Variants in POSTN observed in about 807,000 individuals in gnomAD.
POSTN encodes periostin.
In POSTN, 71 loss-of-function variants were observed where a neutral mutation model predicts 104.5. That is an observed-to-expected ratio of 0.68 (90% CI 0.56 to 0.83). POSTN has a LOEUF of 0.83. POSTN is among the 40% of genes least tolerant of loss of function. The pLI, the probability that POSTN is intolerant of heterozygous loss-of-function variation, is 0.00. For synonymous variants in POSTN, 355 were observed against 340.7 expected (o/e 1.04, Z -0.46); for missense variants, 949 against 1,006.8 (o/e 0.94, Z 0.78).
At chr13:37,579,769 A>C (rs1034097553) in intron 12 of POSTN, 92 bp downstream of exon 12, 9 of 1,417,254 alleles carry the variant, frequency 6.4e-6, no homozygotes, top group Non-Finnish European at 8.6e-6. Flanking sequence ...GAGAGGGGGC[A>C]TTTTTAAGGC....
intron 3 of POSTN, among the ~76,000 whole-genome samples, chr13:37,590,899 T>C (rs951865932): frequency 1.3e-5 from 2 of 152,192 alleles, no homozygotes; most frequent in African/African-American, 4.8e-5. Flanking sequence ...TATGTAGGCC[T>C]GCTTGTTTTC....
In POSTN at chr13:37,577,702, T is replaced by A. The variant is rs757296611; in HGVS notation, c.2008+51A>T. On this transcript the variant is annotated intron_variant, in intron 16 of 22. Transcript: ENST00000379747. Reference sequence around the variant, plus strand: ...GTAAATACAAAGAAATGTATTGTTTTCTTTTTTCATACCTTGCCACCCAGG... The same window carrying A: ...GTAAATACAAAGAAATGTATTGTTTACTTTTTTCATACCTTGCCACCCAGG... The A allele has an allele frequency of 1.8e-5, 28 of 1,596,120 alleles. 2 individuals are homozygous for A. In the South Asian group the frequency reaches 3.1e-4, roughly 18 times the overall value.
intron 15 of POSTN, among the ~76,000 whole-genome samples, chr13:37,578,090 AAAG>A (rs1208259804): frequency 1.3e-5 from 2 of 152,308 alleles, no homozygotes; most frequent in Non-Finnish European, 2.9e-5. Context: ...CTACATTGAA[AAAG>A]AAGAAAAATA....
At chr13:37,563,400 C>T in intron 22 of POSTN, 30 bp from the exon 23 acceptor site, 1 of 1,445,566 alleles carries the variant, frequency 6.9e-7, no homozygotes, top group Non-Finnish European at 9.4e-7. Context: ...AATGTATAGA[C>T]TGTAAATGTT....
At chr13:37,581,231 C>T (rs1198869548) in intron 10 of POSTN, among the ~76,000 whole-genome samples, 1 of 152,130 alleles carries the variant, frequency 6.6e-6, no homozygotes, top group Non-Finnish European at 1.5e-5. Context: ...ACATTTAATG[C>T]ATACTTAAAA....
At chr13:37,592,072 T>C (rs1418336775) in intron 3 of POSTN, 28 bp downstream of exon 3, 4 of 1,523,948 alleles carry the variant, frequency 2.6e-6, no homozygotes, top group Admixed American at 1.7e-5. Flanking sequence ...TATAATTCCT[T>C]ATTTAATTCA....
chr13:37,586,022 A>G, intron 7 of POSTN, 117 bp downstream of exon 7: 1 of 950,976 alleles, frequency 1.1e-6, no homozygotes. Context: ...ATCTCAGAAT[A>G]AAAATTTTTC....
chr13:37,576,339 G>A lies in POSTN; in HGVS notation c.2008+1414C>T, dbSNP rs1305650730. ...TTCTTAATAACAGCATACCGTCTAAGGAGGAGTAAAAGAAACATCTTACAT... is the reference window on the plus strand; with the variant it reads ...TTCTTAATAACAGCATACCGTCTAAAGAGGAGTAAAAGAAACATCTTACAT... On this transcript the variant is annotated intron_variant, in intron 16 of 22. Coordinates refer to ENST00000379747, the MANE Select transcript of POSTN (RefSeq NM_006475.3). 2.6e-5 allele frequency among the ~76,000 whole-genome samples: 4 copies of A among 152,116 alleles called. No homozygotes were observed. The East Asian group carries it at 7.7e-4, about 29-fold the overall frequency.
intron 6 of POSTN, among the ~76,000 whole-genome samples, chr13:37,586,575 G>T (rs1268792995): frequency 6.6e-6 from 1 of 152,096 alleles, no homozygotes; most frequent in Non-Finnish European, 1.5e-5. Context: ...CCAGTCATGT[G>T]ACTAACCATT....
rs1292134359 is a variant in POSTN, at chr13:37,569,194, T to G, written c.2431+106A>C. The G allele has an allele frequency of 5.5e-6, 4 of 732,114 alleles. No homozygotes were observed. In the East Asian group the frequency reaches 1.1e-4, roughly 19 times the overall value. The allele number at this position is 732,114 out of a possible 1,614,324, so 45.4% of individuals were successfully genotyped here. ...AGACAACAGTGGATGTTGTCTTTTT[T>G]TTTTTTAACCCAATTAAAAGAAAAA... On this transcript the variant is annotated intron_variant, in intron 21 of 22. Coordinates refer to ENST00000379747, the MANE Select transcript of POSTN (RefSeq NM_006475.3).
At chr13:37,564,195 T>C (rs1318376352) in intron 22 of POSTN, among the ~76,000 whole-genome samples, 2,050 of 65,452 alleles carry the variant, frequency 0.031, 39 homozygotes, top group African/African-American at 0.089. Flanking sequence ...TATATATATA[T>C]ATATATATAT....
chr13:37,578,925 T>C lies in POSTN; in HGVS notation c.1895-14A>G. 6.3e-7 allele frequency: 1 copy of C among 1,593,708 alleles called. No individual in the cohort carries two copies. Among genetic ancestry groups the C allele is most frequent in the South Asian group, 1.2e-5 (1 of 86,576 alleles). Reference sequence around the variant, plus strand: ...CAACAGGTGTGTCTATGAAGAGAAATATTAAATGAATATTGGTAAGAAAGC... The same window carrying C: ...CAACAGGTGTGTCTATGAAGAGAAACATTAAATGAATATTGGTAAGAAAGC... On this transcript the variant is annotated splice_polypyrimidine_tract_variant and intron_variant, in intron 14 of 22. Coordinates refer to ENST00000379747, the MANE Select transcript of POSTN (RefSeq NM_006475.3).
At chr13:37,566,934 A>C (rs1322025596) in intron 21 of POSTN, among the ~76,000 whole-genome samples, 1 of 152,126 alleles carries the variant, frequency 6.6e-6, no homozygotes, top group East Asian at 1.9e-4. Context: ...AATTACCAAA[A>C]GTACAAAAAA....
intron 2 of POSTN, among the ~76,000 whole-genome samples, chr13:37,594,481 C>A (rs1951029570): frequency 6.6e-6 from 1 of 150,750 alleles, no homozygotes. Context: ...TTTATGCTAC[C>A]CAAAACTCAA....
intron 2 of POSTN, among the ~76,000 whole-genome samples, chr13:37,594,347 T>G (rs140814050): frequency 6.6e-6 from 1 of 152,152 alleles, no homozygotes; most frequent in African/African-American, 2.4e-5. Flanking sequence ...TGTAGAGAAT[T>G]AATGCAGTAG....
intron 8 of POSTN, 147 bp from the exon 9 acceptor site, chr13:37,584,250 A>G: frequency 3.0e-6 from 3 of 987,644 alleles, no homozygotes; most frequent in Non-Finnish European, 1.4e-6. Context: ...CTCCTCCCTA[A>G]TAAGAGAGTT....
chr13:37,574,258 A>T (rs1950341631), intron 17 of POSTN, among the ~76,000 whole-genome samples: 1 of 151,622 alleles, frequency 6.6e-6, no homozygotes, highest in African/African-American at 2.4e-5. Flanking sequence ...AGCCTGTAGG[A>T]GTCTGACTAA....
intron 4 of POSTN, among the ~76,000 whole-genome samples, chr13:37,588,937 G>A (rs1182983132): frequency 2.6e-5 from 4 of 152,066 alleles, no homozygotes; most frequent in Admixed American, 6.6e-5. Context: ...GAGTATTAGG[G>A]GGATCACTTT....
intron 21 of POSTN, chr13:37,569,041 T>C (rs2138167481): frequency 3.8e-6 from 1 of 261,766 alleles, no homozygotes; most frequent in African/African-American, 2.2e-5. Flanking sequence ...CTTAAAATTA[T>C]CTGAATCAAA....
Sources: allele counts gnomAD v4.1 joint callset (sites outside exome capture counted in the v4.1 genomes callset), GRCh38; gene constraint gnomAD v4.1.1; transcripts MANE v1.5; gene names NCBI Gene and HGNC (gene_info 2026-07-23, HGNC 2026-07-21).